The following ATP7A variants were observed in gnomAD, a reference collection of about 807,000 sequenced individuals.
The protein encoded by ATP7A is ATPase copper transporting alpha, also known as copper-transporting ATPase 1.
Under a neutral mutation model 83.5 loss-of-function variants are expected in ATP7A, and 7 were observed. The observed-to-expected ratio is 0.08, with a 90% CI of 0.05 to 0.16. ATP7A has a LOEUF of 0.16. Ranked by LOEUF, ATP7A falls within the 10% of genes least tolerant of loss-of-function variation. The pLI, the probability that ATP7A is intolerant of heterozygous loss-of-function variation, is 1.00. For synonymous variants in ATP7A, 354 were observed against 395.2 expected (o/e 0.90, Z 1.24); for missense variants, 940 against 1,120.8 (o/e 0.84, Z 2.30).
At chrX:77,968,474 G>A (rs2077523109) in intron 1 of ATP7A, among the ~76,000 whole-genome samples, 1 of 111,923 alleles carries the variant, frequency 8.9e-6, no homozygotes, top group East Asian at 2.8e-4. Context: ...CCTGACTGCA[G>A]AAGAGCAGAG....
At chrX:78,024,735 G>C (rs2077931216) in intron 14 of ATP7A, among the ~76,000 whole-genome samples, 1 of 111,378 alleles carries the variant, frequency 9.0e-6, no homozygotes. Flanking sequence ...ATACTCATGG[G>C]AACCAAAGGA....
intron 19 of ATP7A, 55 bp from the exon 20 acceptor site, chrX:78,042,528 TTA>T (rs2078056676): frequency 2.7e-6 from 3 of 1,123,794 alleles, no homozygotes; most frequent in African/African-American, 3.6e-5. Context: ...TATTGCTCAG[TTA>T]TGTTTCACGT....
rs781938595 is a variant in ATP7A at position 77,931,175 on chromosome X, T to A, written c.-22+20340T>A. On this transcript the variant is annotated intron_variant, in intron 1 of 22. Coordinates refer to ENST00000341514, the MANE Select transcript of ATP7A (RefSeq NM_000052.7). ...GGACCCTGTGGCCTTCCTCAGTGTT[T>A]GTGTCCCTGGGTACTTGAGATTAGG... Among the ~76,000 whole-genome samples the A allele has an allele frequency of 5.5e-5, 6 of 108,759 alleles. No individual in the cohort carries two copies. In the South Asian group the frequency reaches 2.4e-3, roughly 44 times the overall value. The allele number at this position is 108,759 out of a possible 115,157, so 94.4% of individuals were successfully genotyped here. A position where few individuals can be genotyped will look rare whatever the true frequency, so the allele number is the denominator to read the frequency against.
At chrX:77,946,372 C>T (rs1557226176) in intron 1 of ATP7A, among the ~76,000 whole-genome samples, 1 of 109,162 alleles carries the variant, frequency 9.2e-6, no homozygotes, top group East Asian at 2.8e-4. Flanking sequence ...GAGCCAAGAA[C>T]ATCCACTAAT....
At chrX:78,036,253 G>A (rs1316419441) in intron 17 of ATP7A, among the ~76,000 whole-genome samples, 2 of 111,036 alleles carry the variant, frequency 1.8e-5, no homozygotes, top group African/African-American at 6.6e-5. Flanking sequence ...AGGGGTGCTG[G>A]GAGTAGTGGG....
At chrX:77,997,610 CTT>C (rs782491662) in intron 4 of ATP7A, among the ~76,000 whole-genome samples, 2 of 100,372 alleles carry the variant, frequency 2.0e-5, no homozygotes, top group African/African-American at 3.6e-5. Context: ...AAATCTTTGG[CTT>C]TTTTTTTTTT....
chrX:77,947,683 G>A lies in ATP7A; in HGVS notation c.-21-23938G>A, dbSNP rs782150848. ...GAACTCCTGACCTCGTGATCTGTCC[G>A]CCTCGGCCTCCCAAAATGCTGGGAT... On this transcript the variant is annotated intron_variant, in intron 1 of 22. Coordinates refer to ENST00000341514, the MANE Select transcript of ATP7A (RefSeq NM_000052.7). Among the ~76,000 whole-genome samples the A allele has an allele frequency of 3.2e-3, 345 of 106,755 alleles. 1 individual carries two copies. Among genetic ancestry groups the A allele is most frequent in the Non-Finnish European group, 5.8e-3 (303 of 52,041 alleles). 92.7% of individuals were successfully genotyped at this position (106,755 alleles called of 115,157 possible). A position where few individuals can be genotyped will look rare whatever the true frequency, so the allele number is the denominator to read the frequency against.
intron 4 of ATP7A, among the ~76,000 whole-genome samples, chrX:77,995,425 G>A (rs1397722370): frequency 9.2e-6 from 1 of 108,470 alleles, no homozygotes; most frequent in Non-Finnish European, 1.9e-5. Flanking sequence ...AAAATTAGCC[G>A]GGCGTGGTGG....
chrX:77,963,957 C>G (rs889998119), intron 1 of ATP7A: 1 of 111,959 alleles, frequency 8.9e-6, no homozygotes, highest in Non-Finnish European at 1.9e-5. Flanking sequence ...ATTTTTTTTC[C>G]TATTTATTTC....
intron 4 of ATP7A, among the ~76,000 whole-genome samples, chrX:77,997,223 G>GTT (rs1557232657): frequency 4.5e-5 from 5 of 112,152 alleles, no homozygotes; most frequent in South Asian, 3.7e-4. Context: ...CTCAGACCTA[G>GTT]GCTGGCAGCA....
In ATP7A at chrX:77,988,610, T is replaced by C. The variant is rs1557231641; in HGVS notation, c.489T>C (p.His163=). The C allele has an allele frequency of 8.3e-7, 1 of 1,211,501 alleles. No individual in the cohort carries two copies. Among genetic ancestry groups the C allele is most frequent in the Non-Finnish European group, 1.1e-6 (1 of 895,443 alleles). ...AAAAGTCAGGAGCTTGTGAAGATCA[T>C]AGTATGGCTCAAGCTGGTGAAGTCG... ...LEKKSGACED[H]SMAQAGEVVL... Residue 163 remains histidine (H), a synonymous_variant, in exon 3 of 23, where the codon CAT becomes CAC. Coordinates refer to ENST00000341514, the MANE Select transcript of ATP7A (RefSeq NM_000052.7).
rs201763950 is a variant in ATP7A, at chrX:77,989,848, G to A, written c.1226G>A (p.Arg409Gln). Residue 409 changes from arginine to glutamine, a missense_variant, in exon 4 of 23, where the codon CGA becomes CAA. Physicochemically the swap from Arg to Gln is conservative, Grantham distance 43. Around this residue, in one of 3 missense-constraint regions of ATP7A, gnomAD observed 350 missense variants for 432.8 expected, o/e 0.81. Coordinates refer to ENST00000341514, the MANE Select transcript of ATP7A (RefSeq NM_000052.7). Reference sequence around the variant, plus strand: ...AAAAAGCCAGGTGTAAAATCCATACGAGTCTCCCTTGCAAATAGCAATGGG... The same window carrying A: ...AAAAAGCCAGGTGTAAAATCCATACAAGTCTCCCTTGCAAATAGCAATGGG... ...ISKKPGVKSI[R>Q]VSLANSNGTV... 8 of 1,208,874 alleles carry A rather than the reference G, an allele frequency of 6.6e-6. No homozygotes were observed. In the Admixed American group the frequency reaches 8.8e-5, roughly 13 times the overall value.
At chrX:77,954,737 C>A (rs1230271570) in intron 1 of ATP7A, among the ~76,000 whole-genome samples, 3 of 110,942 alleles carry the variant, frequency 2.7e-5, no homozygotes, top group African/African-American at 9.8e-5. Context: ...TATATAGATA[C>A]CTTGAAGGCA....
intron 1 of ATP7A, among the ~76,000 whole-genome samples, chrX:77,938,712 T>C (rs140229652): frequency 2.7e-5 from 3 of 112,467 alleles, no homozygotes; most frequent in African/African-American, 9.7e-5. Flanking sequence ...GGCATGTTTA[T>C]TGTAGAAAAC....
chrX:78,046,297 C>T lies in ATP7A; in HGVS notation c.4230C>T (p.Tyr1410=), dbSNP rs1557239084. 8.3e-7 allele frequency: 1 copy of T among 1,211,561 alleles called. No homozygotes were observed. Among genetic ancestry groups the T allele is most frequent in the Non-Finnish European group, 1.1e-6 (1 of 895,347 alleles). Reference sequence around the variant, plus strand: ...GCATACTTTTGCATATGTCCAGTTACAGGAAACCAACTTACGAGAGTTATG... The same window carrying T: ...GCATACTTTTGCATATGTCCAGTTATAGGAAACCAACTTACGAGAGTTATG... ...VVLSSLFLKL[Y]RKPTYESYEL... The change falls in exon 23 of 23, where the codon TAC becomes TAT. Residue 1410 remains tyrosine (Y), a synonymous_variant. Transcript: ENST00000341514.
chrX:78,010,870 T>C (rs190742185), intron 7 of ATP7A, among the ~76,000 whole-genome samples: 10 of 111,176 alleles, frequency 9.0e-5, no homozygotes, highest in East Asian at 2.8e-4. Context: ...TGAGCCACCG[T>C]GCCCGGCCTG....
intron 2 of ATP7A, among the ~76,000 whole-genome samples, chrX:77,976,427 A>C (rs1458271099): frequency 1.8e-5 from 2 of 112,108 alleles, no homozygotes; most frequent in Non-Finnish European, 3.8e-5. Flanking sequence ...TTCTTACCTA[A>C]AATTCTGATT....
chrX:78,022,509 A>G (rs151069403), intron 14 of ATP7A, among the ~76,000 whole-genome samples: 38 of 74,324 alleles, frequency 5.1e-4, no homozygotes, highest in African/African-American at 9.2e-4. Context: ...TTGTTTGTTT[A>G]TTTATTTATT....
At chrX:77,951,947 A>G (rs541814517) in intron 1 of ATP7A, among the ~76,000 whole-genome samples, 5 of 112,099 alleles carry the variant, frequency 4.5e-5, no homozygotes, top group African/African-American at 1.6e-4. Flanking sequence ...AACAGAAGGT[A>G]CAGTATGTAG....
Sources: allele counts gnomAD v4.1 joint callset (sites outside exome capture counted in the v4.1 genomes callset), GRCh38; gene constraint gnomAD v4.1.1; regional missense constraint gnomAD v4.1.1; transcripts MANE v1.5; gene names NCBI Gene and HGNC (gene_info 2026-07-23, HGNC 2026-07-21).